Variants in EPSTI1 observed in about 807,000 individuals in gnomAD.
EPSTI1 encodes epithelial stromal interaction 1.
Under a neutral mutation model 49.9 loss-of-function variants are expected in EPSTI1, and 66 were observed. The observed-to-expected ratio is 1.32, with a 90% CI of 1.08 to 1.62. The LOEUF is 1.62. Among genes scored for constraint, EPSTI1 ranks in the 40% most tolerant of loss-of-function variants. The probability of loss-of-function intolerance (pLI) is 0.00; values close to 1 mark genes in which losing one functional copy is unlikely to be tolerated. For synonymous variants in EPSTI1, 137 were observed against 130.7 expected, an observed-to-expected ratio of 1.05 and a Z score of -0.33; for missense variants, 394 against 365.5, an observed-to-expected ratio of 1.08 and a Z score of -0.64.
chr13:42,973,769 A>C (rs947701650), intron 1 of EPSTI1, among the ~76,000 whole-genome samples: 3 of 152,216 alleles, frequency 2.0e-5, no homozygotes, highest in African/African-American at 4.8e-5. Context: ...TGACTCTCAA[A>C]GTTGCTAATC....
intron 8 of EPSTI1, among the ~76,000 whole-genome samples, chr13:42,911,229 G>C (rs1047579392): frequency 7.0e-6 from 1 of 143,572 alleles, no homozygotes; most frequent in African/African-American, 2.6e-5. Context: ...GAGAGAGAGG[G>C]AGGGAGAGAG....
intron 1 of EPSTI1, among the ~76,000 whole-genome samples, chr13:42,987,344 T>A (rs778981291): frequency 1.1e-4 from 17 of 151,358 alleles, no homozygotes; most frequent in Non-Finnish European, 2.5e-4. Flanking sequence ...ACATATTTGA[T>A]GTCAGGAAAA....
At chr13:42,991,857 T>C in intron 1 of EPSTI1, 121 bp downstream of exon 1, 2 of 1,095,732 alleles carry the variant, frequency 1.8e-6, no homozygotes, top group Non-Finnish European at 2.7e-6. Context: ...GAGCTTTCAT[T>C]CAGTCAAAAT....
chr13:42,942,469 T>C (rs1307490232), intron 6 of EPSTI1, among the ~76,000 whole-genome samples: 1 of 152,118 alleles, frequency 6.6e-6, no homozygotes, highest in African/African-American at 2.4e-5. Context: ...TTTGTACATA[T>C]AATTAGCATA....
At chr13:42,921,941 T>C (rs2038011886) in intron 7 of EPSTI1, among the ~76,000 whole-genome samples, 1 of 152,136 alleles carries the variant, frequency 6.6e-6, no homozygotes, top group Non-Finnish European at 1.5e-5. Flanking sequence ...AAGAGGCATT[T>C]TGTAGAACAG....
At chr13:42,907,596 G>C (rs899745740) in intron 8 of EPSTI1, among the ~76,000 whole-genome samples, 3 of 151,950 alleles carry the variant, frequency 2.0e-5, no homozygotes, top group African/African-American at 4.8e-5. Flanking sequence ...CAGTGTTTGT[G>C]GTATATATTG....
At chr13:42,981,985 A>T (rs1040697349) in intron 1 of EPSTI1, among the ~76,000 whole-genome samples, 4 of 152,228 alleles carry the variant, frequency 2.6e-5, no homozygotes. Flanking sequence ...GAGGTTGCAC[A>T]GTGAGAGTGA....
At chr13:42,984,600 T>C (rs948068747) in intron 1 of EPSTI1, among the ~76,000 whole-genome samples, 2 of 152,256 alleles carry the variant, frequency 1.3e-5, no homozygotes, top group Admixed American at 6.5e-5. Flanking sequence ...TATTATTGTA[T>C]ATCCCACCTT....
intron 7 of EPSTI1, among the ~76,000 whole-genome samples, chr13:42,920,746 T>C (rs2037968695): frequency 6.6e-6 from 1 of 152,156 alleles, no homozygotes; most frequent in African/African-American, 2.4e-5. Context: ...AGGCTGAGAA[T>C]GAAATGACTC....
chr13:42,967,895 C>T (rs1254649928), intron 3 of EPSTI1, among the ~76,000 whole-genome samples: 1 of 152,206 alleles, frequency 6.6e-6, no homozygotes, highest in Non-Finnish European at 1.5e-5. Context: ...AGTCCAGCCA[C>T]ACCCTGTTCT....
chr13:42,973,717 G>A (rs1480622468), intron 1 of EPSTI1, among the ~76,000 whole-genome samples: 8 of 152,078 alleles, frequency 5.3e-5, no homozygotes, highest in African/African-American at 1.9e-4. Flanking sequence ...CACAGCAAAG[G>A]CCTTTGCTGT....
intron 10 of EPSTI1, among the ~76,000 whole-genome samples, chr13:42,890,541 G>A (rs922990061): frequency 4.6e-5 from 7 of 151,980 alleles, no homozygotes; most frequent in Admixed American, 1.3e-4. Context: ...CTCGTGATCC[G>A]CCCACCTCGG....
At chr13:42,894,490 C>G (rs937387985) in intron 10 of EPSTI1, among the ~76,000 whole-genome samples, 3 of 152,144 alleles carry the variant, frequency 2.0e-5, no homozygotes, top group Admixed American at 1.3e-4. Context: ...TATTGCAACA[C>G]AGTTGCAAGG....
intron 1 of EPSTI1, among the ~76,000 whole-genome samples, chr13:42,986,756 A>C (rs2040089291): frequency 6.6e-6 from 1 of 151,264 alleles, no homozygotes; most frequent in South Asian, 2.1e-4. Context: ...AAAAAAAAAA[A>C]AAAAAAAAAA....
At chr13:42,963,363 A>G (rs2039515405) in intron 4 of EPSTI1, 25 bp from the exon 5 acceptor site, 2 of 1,563,950 alleles carry the variant, frequency 1.3e-6, no homozygotes. Context: ...AATTACAGAG[A>G]ACAAAAACAG....
At chr13:42,956,917 T>C (rs189020494) in intron 5 of EPSTI1, among the ~76,000 whole-genome samples, 30 of 152,270 alleles carry the variant, frequency 2.0e-4, no homozygotes, top group African/African-American at 7.2e-4. Flanking sequence ...TTGGACTTTA[T>C]GAAACCCAAC....
chr13:42,900,301 C>T lies in EPSTI1; in HGVS notation c.815+9G>A. On this transcript the variant is annotated intron_variant, in intron 9 of 10. Transcript: ENST00000313624. ...AACCAAGGATGCTTATTTTATTAGC[C>T]AGTTTTACCTCCTGTGTTCAGTCTG... 1 of 1,612,520 alleles carries T rather than the reference C, an allele frequency of 6.2e-7. No individual in the cohort carries two copies. Among genetic ancestry groups the T allele is most frequent in the Non-Finnish European group, 8.5e-7 (1 of 1,178,932 alleles).
At chr13:42,935,102 T>G (rs1448191538) in intron 6 of EPSTI1, among the ~76,000 whole-genome samples, 1 of 152,210 alleles carries the variant, frequency 6.6e-6, no homozygotes, top group Non-Finnish European at 1.5e-5. Context: ...ATTGTTGTCA[T>G]GAATAAATGT....
intron 1 of EPSTI1, among the ~76,000 whole-genome samples, chr13:42,986,948 T>C (rs1039501488): frequency 3.9e-5 from 6 of 152,004 alleles, no homozygotes; most frequent in African/African-American, 1.4e-4. Context: ...ACCTAGAGTA[T>C]GGAAACTCTT....
Sources: allele counts gnomAD v4.1 joint callset (sites outside exome capture counted in the v4.1 genomes callset), GRCh38; gene constraint gnomAD v4.1.1; transcripts MANE v1.5; gene names NCBI Gene and HGNC (gene_info 2026-07-23, HGNC 2026-07-21).